Variants in IL15 observed in about 807,000 individuals in gnomAD.
IL15 encodes the protein interleukin 15.
Under a neutral mutation model 19.6 loss-of-function variants are expected in IL15, and 11 were observed. That is an observed-to-expected ratio of 0.56 (90% CI 0.35 to 0.93). IL15 has a LOEUF of 0.93. Among genes scored for constraint, IL15 ranks in the 40% least tolerant of loss-of-function variants. The pLI is 0.01. For synonymous variants in IL15, 58 were observed against 59.6 expected (o/e 0.97, Z 0.12); for missense variants, 197 against 186.5 (o/e 1.06, Z -0.33).
intron 1 of IL15, among the ~76,000 whole-genome samples, chr4:141,639,178 G>A (rs1161259962): frequency 6.6e-6 from 1 of 152,222 alleles, no homozygotes; most frequent in East Asian, 1.9e-4. Context: ...GAGCTAGAAA[G>A]TGGTAGAGTT....
At chr4:141,709,450 G>A (rs904272380) in intron 2 of IL15, among the ~76,000 whole-genome samples, 1 of 152,122 alleles carries the variant, frequency 6.6e-6, no homozygotes, top group South Asian at 2.1e-4. Flanking sequence ...GCTCATTAGG[G>A]CCAATGGTTA....
At chr4:141,693,184 T>A (rs1340861498) in intron 2 of IL15, among the ~76,000 whole-genome samples, 3 of 151,822 alleles carry the variant, frequency 2.0e-5, no homozygotes, top group Admixed American at 6.6e-5. Flanking sequence ...AAGGTGGCAA[T>A]AGAGACAATG....
chr4:141,685,440 G>A (rs186294370), intron 2 of IL15, among the ~76,000 whole-genome samples: 112 of 152,288 alleles, frequency 7.4e-4, no homozygotes, highest in African/African-American at 2.6e-3. Flanking sequence ...GAGGTAAAAT[G>A]ATATCTGACT....
chr4:141,701,411 C>T (rs981527879), intron 2 of IL15, among the ~76,000 whole-genome samples: 36 of 151,748 alleles, frequency 2.4e-4, no homozygotes, highest in African/African-American at 7.3e-4. Flanking sequence ...TATAGAGAGA[C>T]GTTGTGTGTT....
chr4:141,726,099 T>G (rs998724394), intron 5 of IL15, among the ~76,000 whole-genome samples: 7 of 152,142 alleles, frequency 4.6e-5, no homozygotes, highest in African/African-American at 1.7e-4. Context: ...GTGATCCAAT[T>G]ACCTCTTAAA....
intron 2 of IL15, among the ~76,000 whole-genome samples, chr4:141,700,415 C>T (rs1333681518): frequency 1.3e-5 from 2 of 152,144 alleles, no homozygotes; most frequent in African/African-American, 4.8e-5. Flanking sequence ...TCTTAGCTGA[C>T]AACTTTTTTG....
chr4:141,641,115 C>A (rs963082124), intron 1 of IL15, among the ~76,000 whole-genome samples: 1 of 152,162 alleles, frequency 6.6e-6, no homozygotes, highest in African/African-American at 2.4e-5. Flanking sequence ...ACTGTTAGCA[C>A]TGACCTCTAA....
At chr4:141,687,012 G>T (rs1448411348) in intron 2 of IL15, among the ~76,000 whole-genome samples, 1 of 152,188 alleles carries the variant, frequency 6.6e-6, no homozygotes, top group African/African-American at 2.4e-5. Flanking sequence ...GGTTTAGGAA[G>T]TATTTATTTA....
At chr4:141,699,319 C>G (rs1729204317) in intron 2 of IL15, among the ~76,000 whole-genome samples, 1 of 152,084 alleles carries the variant, frequency 6.6e-6, no homozygotes, top group South Asian at 2.1e-4. Flanking sequence ...TTGGGAAGAA[C>G]TTTCTGTAAA....
chr4:141,675,377 AC>A (rs1241410672), intron 2 of IL15, among the ~76,000 whole-genome samples: 6 of 152,172 alleles, frequency 3.9e-5, no homozygotes. Flanking sequence ...TAATTGTGGT[AC>A]ATACTAAACT....
chr4:141,653,884 G>C (rs185370223), intron 1 of IL15, among the ~76,000 whole-genome samples: 2 of 152,180 alleles, frequency 1.3e-5, no homozygotes, highest in Admixed American at 1.3e-4. Flanking sequence ...TATCCAAAAG[G>C]GTTCTATAGT....
At chr4:141,687,430 G>T (rs1007737154) in intron 2 of IL15, among the ~76,000 whole-genome samples, 1 of 152,196 alleles carries the variant, frequency 6.6e-6, no homozygotes, top group African/African-American at 2.4e-5. Context: ...GACAGCATCT[G>T]CTGCAAACTC....
Position 141,719,453 on chromosome 4 carries a change from T to C in IL15, c.-12T>C, listed in dbSNP as rs756905598. The C allele has an allele frequency of 2.2e-6, 2 of 911,732 alleles. No homozygotes were observed. The highest frequency in any genetic ancestry group is 2.7e-5 in the South Asian group (2 of 74,564). 56.5% of individuals were successfully genotyped at this position (911,732 alleles called of 1,614,324 possible). Reference sequence around the variant, plus strand: ...TTCTTCAATACTTAAGGATTTACCGTGGCTTTGAGTAATGAGAATTTCGGT... The same window carrying C: ...TTCTTCAATACTTAAGGATTTACCGCGGCTTTGAGTAATGAGAATTTCGGT... On this transcript the variant is annotated 5_prime_UTR_variant, in exon 3 of 8. Coordinates refer to ENST00000320650, the MANE Select transcript of IL15 (RefSeq NM_000585.5).
rs1730503477 is a variant in IL15, at chr4:141,733,008, G to A, written c.*160G>A. On this transcript the variant is annotated 3_prime_UTR_variant, in exon 8 of 8. Transcript: ENST00000320650. Reference sequence around the variant, plus strand: ...ATCAGATGAACTCTTAGAAATGAAGGCAGAAAAATGTCATTGAGTAATATA... The same window carrying A: ...ATCAGATGAACTCTTAGAAATGAAGACAGAAAAATGTCATTGAGTAATATA... 11 of 1,135,700 alleles carry A rather than the reference G, an allele frequency of 9.7e-6. 1 individual carries two copies. In the South Asian group the frequency reaches 9.9e-5, roughly 10 times the overall value. The allele number at this position is 1,135,700 out of a possible 1,614,324, so 70.4% of individuals were successfully genotyped here.
rs1730504602 is a variant in IL15 at position 141,733,029 on chromosome 4, A to G, written c.*181A>G. The G allele has an allele frequency of 2.4e-6, 2 of 826,574 alleles. No homozygotes were observed. The highest frequency in any genetic ancestry group is 1.8e-5 in the African/African-American group (1 of 55,836). The allele number at this position is 826,574 out of a possible 1,614,324, so 51.2% of individuals were successfully genotyped here. A position where few individuals can be genotyped will look rare whatever the true frequency, so the allele number is the denominator to read the frequency against. ...GAAGGCAGAAAAATGTCATTGAGTAATATAGTGACTATGAACTTCTCTCAG... is the reference window on the plus strand; with the variant it reads ...GAAGGCAGAAAAATGTCATTGAGTAGTATAGTGACTATGAACTTCTCTCAG... On this transcript the variant is annotated 3_prime_UTR_variant, in exon 8 of 8. Transcript: ENST00000320650.
intron 2 of IL15, among the ~76,000 whole-genome samples, chr4:141,709,287 G>A (rs1729635124): frequency 1.3e-5 from 2 of 152,012 alleles, no homozygotes; most frequent in South Asian, 4.1e-4. Context: ...CAAATATTCT[G>A]TATGTTTATT....
chr4:141,715,031 G>A (rs918322004), intron 2 of IL15: 9 of 152,092 alleles, frequency 5.9e-5, no homozygotes, highest in African/African-American at 1.9e-4. Flanking sequence ...TCTCCTCAAG[G>A]CATCAGCTGT....
intron 2 of IL15, among the ~76,000 whole-genome samples, chr4:141,677,369 G>A (rs975099968): frequency 6.6e-6 from 1 of 152,008 alleles, no homozygotes; most frequent in Non-Finnish European, 1.5e-5. Context: ...TTTTTCTCCA[G>A]CTTGCTTTAT....
At chr4:141,653,924 G>A (rs78885877) in intron 1 of IL15, among the ~76,000 whole-genome samples, 4,438 of 152,264 alleles carry the variant, frequency 0.029, 204 homozygotes, top group African/African-American at 0.093. Context: ...CTGGGTATTT[G>A]TTGATGTTTA....
Sources: gnomAD v4.1 joint callset for allele counts (sites outside exome capture counted in the v4.1 genomes callset) on GRCh38, gnomAD v4.1.1 for gene constraint, MANE v1.5 for transcripts, NCBI Gene and HGNC (gene_info 2026-07-23, HGNC 2026-07-21) for gene names.